The following IGSF11 variants were observed in gnomAD, a reference collection of about 807,000 sequenced individuals.
IGSF11 encodes the protein immunoglobulin superfamily member 11, also known as CXADR like 1.
A neutral mutation model predicts 41.0 loss-of-function variants in IGSF11; 22 were observed. The ratio of observed to expected loss-of-function variants is 0.54; its 90% CI spans 0.38 to 0.77. The LOEUF (loss-of-function observed/expected upper bound fraction) is 0.77, where lower values mean the gene tolerates loss of function less well. Among genes scored for constraint, IGSF11 ranks in the 30% least tolerant of loss-of-function variants. IGSF11 has a pLI of 0.00. For missense variants in IGSF11, 444 were observed against 530.8 expected, an observed-to-expected ratio of 0.84 and a Z score of 1.61; for synonymous variants, 219 against 201.3, an observed-to-expected ratio of 1.09 and a Z score of -0.74.
At chr3:119,048,933 G>A (rs1014743139) in intron 1 of IGSF11, among the ~76,000 whole-genome samples, 8 of 152,168 alleles carry the variant, frequency 5.3e-5, no homozygotes, top group African/African-American at 1.4e-4. Context: ...AAAGGCCTTT[G>A]ACAAAATTCA....
chr3:118,996,075 C>T (rs58781511), intron 1 of IGSF11, among the ~76,000 whole-genome samples: 27,469 of 152,076 alleles, frequency 0.18, 2,644 homozygotes, highest in Admixed American at 0.25. Flanking sequence ...TGAGCCACCA[C>T]GCATGGACAG....
chr3:119,131,346 G>A (rs2107539513), intron 1 of IGSF11, among the ~76,000 whole-genome samples: 1 of 152,282 alleles, frequency 6.6e-6, no homozygotes, highest in South Asian at 2.1e-4. Context: ...AAACAGTGGA[G>A]AGAAGACCTT....
Position 119,077,567 on chromosome 3 carries a change from A to G in IGSF11, c.49+27577T>C, listed in dbSNP as rs144304321. Among the ~76,000 whole-genome samples, 6 of 152,314 alleles carry G rather than the reference A, an allele frequency of 3.9e-5. No homozygotes were observed. The East Asian group carries it at 1.2e-3, about 29-fold the overall frequency. ...GCCATCTATGACAAACCCACAACCA[A>G]CATCATACTGAATGGGCAAAAGCTG... On this transcript the variant is annotated intron_variant, in intron 1 of 6. Transcript: ENST00000354673.
intron 1 of IGSF11, among the ~76,000 whole-genome samples, chr3:119,051,542 A>G (rs1261554416): frequency 1.3e-5 from 2 of 152,202 alleles, no homozygotes; most frequent in Admixed American, 6.5e-5. Flanking sequence ...GGACTTCAAT[A>G]CTCGACTAAC....
chr3:118,968,461 G>A (rs1240489920), intron 1 of IGSF11, among the ~76,000 whole-genome samples: 3 of 152,122 alleles, frequency 2.0e-5, no homozygotes, highest in African/African-American at 7.2e-5. Context: ...AAAAAATAAA[G>A]TACAGGACAG....
chr3:119,145,003 T>C (rs2077700652), intron 1 of IGSF11, among the ~76,000 whole-genome samples: 1 of 152,176 alleles, frequency 6.6e-6, no homozygotes, highest in Non-Finnish European at 1.5e-5. Flanking sequence ...TTTAAATAAA[T>C]AAGGTAGATA....
intron 1 of IGSF11, among the ~76,000 whole-genome samples, chr3:118,997,234 A>C (rs1471514709): frequency 2.6e-5 from 4 of 152,196 alleles, no homozygotes; most frequent in Non-Finnish European, 4.4e-5. Flanking sequence ...TGGCATCACT[A>C]TTTCAGGACT....
At chr3:118,915,218 C>T (rs1179705541) in intron 4 of IGSF11, among the ~76,000 whole-genome samples, 1 of 138,526 alleles carries the variant, frequency 7.2e-6, no homozygotes, top group African/African-American at 3.0e-5. Context: ...TCCAAAGGAA[C>T]ACAGTTCCTC....
At chr3:119,051,343 AAC>A (rs891056303) in intron 1 of IGSF11, among the ~76,000 whole-genome samples, 1 of 152,012 alleles carries the variant, frequency 6.6e-6, no homozygotes, top group Admixed American at 6.6e-5. Context: ...TATCAGACAA[AAC>A]AGACTTTAAA....
At chr3:118,980,939 T>C (rs1025067691) in intron 1 of IGSF11, among the ~76,000 whole-genome samples, 2 of 152,330 alleles carry the variant, frequency 1.3e-5, no homozygotes, top group East Asian at 1.9e-4. Context: ...TCTTGTTAAG[T>C]GGTTAAAGAT....
At chr3:119,009,308 G>A (rs903719381) in intron 1 of IGSF11, among the ~76,000 whole-genome samples, 53 of 152,116 alleles carry the variant, frequency 3.5e-4, no homozygotes, top group African/African-American at 1.3e-3. Flanking sequence ...CAAAAACAAA[G>A]AACCTATAAA....
intron 1 of IGSF11, among the ~76,000 whole-genome samples, chr3:119,089,219 A>G (rs2076725014): frequency 6.6e-6 from 1 of 152,186 alleles, no homozygotes; most frequent in African/African-American, 2.4e-5. Flanking sequence ...CACATCAAAA[A>G]GTTAATACAC....
intron 1 of IGSF11, among the ~76,000 whole-genome samples, chr3:119,069,736 T>C (rs2076365731): frequency 6.6e-6 from 1 of 152,142 alleles, no homozygotes; most frequent in Non-Finnish European, 1.5e-5. Context: ...ATCACATACT[T>C]GCCACCAATT....
intron 1 of IGSF11, among the ~76,000 whole-genome samples, chr3:119,047,200 G>A (rs1204571691): frequency 6.6e-6 from 1 of 151,020 alleles, no homozygotes; most frequent in Admixed American, 6.6e-5. Flanking sequence ...ACACACACTG[G>A]CAAATTGGAT....
rs1016668120 is a variant in IGSF11, at chr3:118,916,419, A to C, written c.580+9682T>G. ...ATAAAAGGATGGAGGAAGATCTACC[A>C]AGCAAATGGAAAACTAAAAAAGGCA... is the stretch of plus-strand genomic sequence containing the variant. On this transcript the variant is annotated intron_variant, in intron 4 of 6. Coordinates refer to ENST00000393775, the MANE Select transcript of IGSF11 (RefSeq NM_001015887.3). Among the ~76,000 whole-genome samples the C allele has an allele frequency of 5.1e-4, 78 of 152,228 alleles. No homozygotes were observed. The East Asian group carries it at 0.013, about 25-fold the overall frequency.
intron 4 of IGSF11, among the ~76,000 whole-genome samples, chr3:118,924,095 A>G (rs1403011902): frequency 6.6e-6 from 1 of 152,118 alleles, no homozygotes; most frequent in Non-Finnish European, 1.5e-5. Context: ...TGTGAAAAAA[A>G]ACAGCTTGCC....
chr3:119,086,638 A>G (rs1209594368), intron 1 of IGSF11, among the ~76,000 whole-genome samples: 2 of 152,216 alleles, frequency 1.3e-5, no homozygotes, highest in African/African-American at 4.8e-5. Flanking sequence ...AACAAATTCC[A>G]TCCAAGAATT....
chr3:119,016,318 C>T (rs1938684889), intron 1 of IGSF11, among the ~76,000 whole-genome samples: 1 of 152,092 alleles, frequency 6.6e-6, no homozygotes, highest in African/African-American at 2.4e-5. Context: ...AAAAACTGCC[C>T]AGAAATATGT....
intron 1 of IGSF11, among the ~76,000 whole-genome samples, chr3:118,959,151 A>C (rs545943352): frequency 1.7e-4 from 26 of 152,354 alleles, no homozygotes; most frequent in Non-Finnish European, 3.1e-4. Flanking sequence ...GAGTACAAAT[A>C]GAAAACCCAT....
Sources: gnomAD v4.1 joint callset for allele counts (sites outside exome capture counted in the v4.1 genomes callset) on GRCh38, gnomAD v4.1.1 for gene constraint, MANE v1.5 for transcripts, NCBI Gene and HGNC (gene_info 2026-07-23, HGNC 2026-07-21) for gene names.